Variants in TIAM1 observed in about 807,000 individuals in gnomAD.
The protein encoded by TIAM1 is rho guanine nucleotide exchange factor TIAM1.
A neutral mutation model predicts 163.5 loss-of-function variants in TIAM1; 65 were observed. The observed-to-expected ratio is 0.40, with a 90% CI of 0.33 to 0.49. The LOEUF is 0.49. Ranked by LOEUF, TIAM1 falls within the 20% of genes least tolerant of loss-of-function variation. TIAM1 has a pLI of 0.77. For synonymous variants in TIAM1, 833 were observed against 810.1 expected (o/e 1.03, Z -0.48); for missense variants, 1,789 against 2,044.7 (o/e 0.87, Z 2.41).
At chr21:31,144,654 C>T (rs921733630) in intron 20 of TIAM1, among the ~76,000 whole-genome samples, 1 of 151,420 alleles carries the variant, frequency 6.6e-6, no homozygotes, top group African/African-American at 2.4e-5. Flanking sequence ...ATGGTGAGAC[C>T]CCCGTCTCTA....
chr21:31,155,534 T>C (rs1250257979), intron 16 of TIAM1, among the ~76,000 whole-genome samples: 1 of 152,106 alleles, frequency 6.6e-6, no homozygotes, highest in Non-Finnish European at 1.5e-5. Flanking sequence ...AGACGGAGTC[T>C]CGCTCTGTCA....
At chr21:31,469,502 C>T (rs1423843685) in intron 1 of TIAM1, among the ~76,000 whole-genome samples, 1 of 152,096 alleles carries the variant, frequency 6.6e-6, no homozygotes, top group African/African-American at 2.4e-5. Context: ...TGACTGACAA[C>T]AGTAGAAGAA....
At chr21:31,226,985 C>T (rs1488908488) in intron 6 of TIAM1, among the ~76,000 whole-genome samples, 2 of 122,064 alleles carry the variant, frequency 1.6e-5, no homozygotes, top group African/African-American at 3.2e-5. Context: ...GAGACAGGGT[C>T]GTGCTCTGTT....
chr21:31,359,863 A>G (rs1412908739), intron 2 of TIAM1, among the ~76,000 whole-genome samples: 1 of 130,756 alleles, frequency 7.6e-6, no homozygotes, highest in Non-Finnish European at 1.6e-5. Context: ...GAAGGAAGGA[A>G]GGGAGGGAGG....
intron 2 of TIAM1, among the ~76,000 whole-genome samples, chr21:31,384,903 GGTAAA>G (rs1204329732): frequency 6.6e-6 from 1 of 152,132 alleles, no homozygotes; most frequent in Non-Finnish European, 1.5e-5. Flanking sequence ...ATCAGGACTA[GGTAAA>G]GTAACCTCAC....
At chr21:31,501,162 T>C (rs938413825) in intron 1 of TIAM1, among the ~76,000 whole-genome samples, 2 of 152,048 alleles carry the variant, frequency 1.3e-5, no homozygotes, top group Non-Finnish European at 2.9e-5. Flanking sequence ...GGGATAAAGA[T>C]ACAGCGAAAG....
In TIAM1 at chr21:31,270,186, G is replaced by A. The variant is rs147947415; in HGVS notation, c.-11-3203C>T. ...AGAAATTAACTTTTACTTTTTTTAC[G>A]GCTTCCACAAGACTAGAAATATTCC... On this transcript the variant is annotated intron_variant, in intron 3 of 27. Transcript: ENST00000541036. Among the ~76,000 whole-genome samples the A allele has an allele frequency of 1.4e-4, 22 of 151,926 alleles. No homozygotes were observed. In the East Asian group the frequency reaches 1.7e-3, roughly 12 times the overall value.
At chr21:31,546,487 T>C (rs1697610036) in intron 1 of TIAM1, among the ~76,000 whole-genome samples, 1 of 149,826 alleles carries the variant, frequency 6.7e-6, no homozygotes, top group African/African-American at 2.5e-5. Context: ...GAGGTGGAGG[T>C]TGCAGTGAGA....
chr21:31,259,139 C>CTTTTTTTTT (rs11381586), intron 4 of TIAM1, among the ~76,000 whole-genome samples: 1 of 150,226 alleles, frequency 6.7e-6, no homozygotes, highest in Non-Finnish European at 1.5e-5. Context: ...TTTTTTTTTC[C>CTTTTTTTTT]TTTTTCTTTT....
chr21:31,349,082 A>G (rs151280473), upstream of TIAM1, among the ~76,000 whole-genome samples: 326 of 152,332 alleles, frequency 2.1e-3, 2 homozygotes, highest in African/African-American at 7.7e-3. Context: ...CCTTTACTAT[A>G]AAATGATGAA....
chr21:31,295,284 C>T (rs1286488336), intron 2 of TIAM1, among the ~76,000 whole-genome samples: 1 of 152,190 alleles, frequency 6.6e-6, no homozygotes, highest in South Asian at 2.1e-4. Flanking sequence ...TCCCGGCTAA[C>T]ACGGTGAAAC....
chr21:31,168,512 T>C (rs931110965), intron 15 of TIAM1, among the ~76,000 whole-genome samples: 26 of 152,218 alleles, frequency 1.7e-4, no homozygotes, highest in African/African-American at 6.3e-4. Context: ...ACCATTCTCC[T>C]GCCTCAGTCT....
At position 31,419,635 on chromosome 21, in the gene TIAM1, T is replaced by A. The variant is rs535272419; in HGVS notation, c.-369+44348A>T. ...CCAGTAAATCTGTGTTTAAAATTTT[T>A]AATCTAAGGATGGAATAAAAGATAC... On this transcript the variant is annotated intron_variant, in intron 2 of 28. Coordinates refer to the TIAM1 transcript ENST00000286827. Among the ~76,000 whole-genome samples the A allele has an allele frequency of 3.2e-3, 482 of 152,356 alleles. 31 individuals are homozygous for A. The South Asian group carries it at 0.096, about 30-fold the overall frequency.
upstream of TIAM1, chr21:31,559,030 G>A (rs1393918552): frequency 1.3e-5 from 2 of 151,910 alleles, no homozygotes; most frequent in Admixed American, 1.3e-4. Flanking sequence ...CTGCAGAGCT[G>A]CGCGCCCGAC....
chr21:31,163,349 G>A (rs965228192), intron 16 of TIAM1, among the ~76,000 whole-genome samples: 4 of 152,182 alleles, frequency 2.6e-5, no homozygotes, highest in African/African-American at 9.6e-5. Context: ...TAAAAGAAAT[G>A]TAAGGGTCAC....
chr21:31,262,951 AT>A (rs35888561), intron 4 of TIAM1, among the ~76,000 whole-genome samples: 51,069 of 151,738 alleles, frequency 0.34, 8,674 homozygotes, highest in East Asian at 0.39. Context: ...AAAGAAAAAA[AT>A]TTTTTTTTAA....
At chr21:31,320,500 A>C (rs925329646) in intron 2 of TIAM1, among the ~76,000 whole-genome samples, 5 of 152,222 alleles carry the variant, frequency 3.3e-5, no homozygotes, top group African/African-American at 9.6e-5. Context: ...GTCAAAAAAA[A>C]TCCACAACAT....
Position 31,154,422 on chromosome 21 carries a change from G to A in TIAM1, c.2996C>T (p.Thr999Ile). 1 of 1,613,456 alleles carries A rather than the reference G, an allele frequency of 6.2e-7. No individual in the cohort carries two copies. Among genetic ancestry groups the A allele is most frequent in the Non-Finnish European group, 8.5e-7 (1 of 1,179,664 alleles). ...GCGGCAAAATGCGGCCACCTGTTCT[G>A]TACTCTTCGGAGCACAGGGGGGAAG... ...SDETDHSSKSTEQVAAFCRSL... is the reference protein window; with the variant it reads ...SDETDHSSKSIEQVAAFCRSL... The change falls in exon 17 of 28, where the codon ACA becomes ATA. Residue 999 changes from threonine (T) to isoleucine (I), a missense_variant. By Grantham distance (89) the Thr-to-Ile change is moderately conservative. This residue lies in a region of TIAM1 where 303 missense variants were observed against 321.3 expected (regional missense o/e 0.94). Transcript: ENST00000541036.
At chr21:31,391,579 C>T (rs1473961694) in intron 2 of TIAM1, among the ~76,000 whole-genome samples, 3 of 151,988 alleles carry the variant, frequency 2.0e-5, no homozygotes, top group Non-Finnish European at 4.4e-5. Context: ...GAGCTAAGAT[C>T]GCACCATTGC....
Sources: gnomAD v4.1 joint callset for allele counts (sites outside exome capture counted in the v4.1 genomes callset) on GRCh38, gnomAD v4.1.1 for gene constraint, gnomAD v4.1.1 regional missense constraint, MANE v1.5 for transcripts, NCBI Gene and HGNC (gene_info 2026-07-23, HGNC 2026-07-21) for gene names.